RBFOX1: variants seen among roughly 807,000 people sequenced by gnomAD.
RBFOX1 encodes RNA binding fox-1 homolog 1.
RBFOX1 carries 8 observed loss-of-function variants against 57.7 expected under a neutral mutation model. The observed-to-expected ratio is 0.14, with a 90% CI of 0.08 to 0.25. The LOEUF (loss-of-function observed/expected upper bound fraction) is 0.25. Among genes scored for constraint, RBFOX1 ranks in the 10% least tolerant of loss-of-function variants. The pLI, the probability that RBFOX1 is intolerant of heterozygous loss-of-function variation, is 1.00. For synonymous variants in RBFOX1, 326 were observed against 222.4 expected (o/e 1.47, Z -4.15); for missense variants, 611 against 548.5 (o/e 1.11, Z -1.14).
chr16:5,408,323 C>T (rs1409301458), intron 1 of RBFOX1, among the ~76,000 whole-genome samples: 1 of 152,230 alleles, frequency 6.6e-6, no homozygotes, highest in Non-Finnish European at 1.5e-5. Flanking sequence ...CTGGATTTCC[C>T]AATTTCGTGT....
intron 1 of RBFOX1, among the ~76,000 whole-genome samples, chr16:6,217,499 G>A (rs1414494934): frequency 6.6e-6 from 1 of 152,124 alleles, no homozygotes; most frequent in Non-Finnish European, 1.5e-5. Context: ...AGGGAAATAA[G>A]GAGCATGGTG....
At chr16:6,735,641 C>T (rs1392571050) in intron 3 of RBFOX1, among the ~76,000 whole-genome samples, 1 of 152,166 alleles carries the variant, frequency 6.6e-6, no homozygotes, top group Non-Finnish European at 1.5e-5. Context: ...TTGGATCGAT[C>T]ACAAAATGTT....
chr16:6,733,801 A>G (rs529338406), intron 3 of RBFOX1, among the ~76,000 whole-genome samples: 3 of 152,298 alleles, frequency 2.0e-5, no homozygotes, highest in Non-Finnish European at 2.9e-5. Flanking sequence ...GCTGGGTTCT[A>G]CTACCATCTC....
At chr16:6,760,649 A>T (rs529927216) in intron 3 of RBFOX1, among the ~76,000 whole-genome samples, 57 of 152,322 alleles carry the variant, frequency 3.7e-4, no homozygotes, top group African/African-American at 1.3e-3. Flanking sequence ...ATAAAAGCAT[A>T]TACTGGAGCA....
At chr16:7,601,625 ACACCACCAC>A (rs141039302) in intron 9 of RBFOX1, among the ~76,000 whole-genome samples, 5 of 151,940 alleles carry the variant, frequency 3.3e-5, no homozygotes, top group Admixed American at 2.6e-4. Context: ...GGAAAAATCA[ACACCACCAC>A]CACCACCACC....
intron 3 of RBFOX1, among the ~76,000 whole-genome samples, chr16:5,753,378 G>A (rs1408636737): frequency 6.6e-6 from 1 of 152,082 alleles, no homozygotes; most frequent in Admixed American, 6.5e-5. Flanking sequence ...TTATTTTACT[G>A]CTTATACTCA....
intron 1 of RBFOX1, among the ~76,000 whole-genome samples, chr16:6,079,705 A>T (rs2095970030): frequency 6.6e-6 from 1 of 152,116 alleles, no homozygotes; most frequent in Non-Finnish European, 1.5e-5. Context: ...GTGTGATGGC[A>T]CACACTTGTG....
At chr16:6,361,157 G>C (rs1350211135) in intron 2 of RBFOX1, among the ~76,000 whole-genome samples, 1 of 152,042 alleles carries the variant, frequency 6.6e-6, no homozygotes, top group Non-Finnish European at 1.5e-5. Context: ...CATGTTATCA[G>C]GTTATGTGTC....
chr16:5,884,653 T>G (rs954094724), intron 4 of RBFOX1, among the ~76,000 whole-genome samples: 1 of 152,092 alleles, frequency 6.6e-6, no homozygotes, highest in Non-Finnish European at 1.5e-5. Context: ...TCATTCCATG[T>G]TGGAGTCGAA....
At chr16:6,619,137 A>G (rs553684822) in intron 2 of RBFOX1, among the ~76,000 whole-genome samples, 10 of 151,828 alleles carry the variant, frequency 6.6e-5, no homozygotes, top group South Asian at 4.2e-4. Context: ...GTACTTCGCT[A>G]CAGACCGCTG....
At chr16:5,900,190 C>G (rs1229295682) in intron 4 of RBFOX1, among the ~76,000 whole-genome samples, 1 of 152,158 alleles carries the variant, frequency 6.6e-6, no homozygotes, top group Non-Finnish European at 1.5e-5. Flanking sequence ...CATTACACTC[C>G]AAATGTCATG....
chr16:5,403,987 G>C (rs915132078), intron 1 of RBFOX1, among the ~76,000 whole-genome samples: 1 of 151,604 alleles, frequency 6.6e-6, no homozygotes, highest in Non-Finnish European at 1.5e-5. Context: ...GCCATGGGAA[G>C]GGTGGGGCTG....
intron 3 of RBFOX1, among the ~76,000 whole-genome samples, chr16:6,819,603 G>A (rs1023710804): frequency 1.3e-5 from 2 of 150,924 alleles, no homozygotes; most frequent in African/African-American, 4.9e-5. Context: ...TACTCGGGAG[G>A]CTGAGGCAGG....
At chr16:5,453,770 C>T (rs1164250173) in intron 1 of RBFOX1, among the ~76,000 whole-genome samples, 1 of 152,098 alleles carries the variant, frequency 6.6e-6, no homozygotes, top group Non-Finnish European at 1.5e-5. Flanking sequence ...AGCAATGTTG[C>T]CTAAAAATAT....
At chr16:7,507,095 T>G (rs1452568286) in intron 4 of RBFOX1, among the ~76,000 whole-genome samples, 1 of 152,194 alleles carries the variant, frequency 6.6e-6, no homozygotes, top group Non-Finnish European at 1.5e-5. Flanking sequence ...TTGAATGACT[T>G]GCCAATAGTT....
chr16:6,192,230 G>C (rs1403704348), intron 1 of RBFOX1, among the ~76,000 whole-genome samples: 2 of 152,110 alleles, frequency 1.3e-5, no homozygotes, highest in Non-Finnish European at 2.9e-5. Flanking sequence ...ACCAGTCCTT[G>C]GGTGTTGGGA....
intron 4 of RBFOX1, among the ~76,000 whole-genome samples, chr16:7,446,104 C>T (rs1390195254): frequency 2.6e-5 from 4 of 152,162 alleles, no homozygotes; most frequent in African/African-American, 4.8e-5. Context: ...GACTTAACTC[C>T]TTGTCAAAGA....
intron 1 of RBFOX1, among the ~76,000 whole-genome samples, chr16:6,161,728 G>C (rs891336484): frequency 2.0e-5 from 3 of 152,176 alleles, no homozygotes; most frequent in African/African-American, 4.8e-5. Flanking sequence ...CACACACCTG[G>C]CTTACATTTG....
chr16:6,327,450 T>C (rs888006861), intron 2 of RBFOX1, among the ~76,000 whole-genome samples: 2 of 152,146 alleles, frequency 1.3e-5, no homozygotes, highest in Non-Finnish European at 2.9e-5. Context: ...TCTTTATGAC[T>C]TTGGATATAT....
Sources: allele counts gnomAD v4.1 joint callset (sites outside exome capture counted in the v4.1 genomes callset), GRCh38; gene constraint gnomAD v4.1.1; transcripts MANE v1.5; gene names NCBI Gene and HGNC (gene_info 2026-07-23, HGNC 2026-07-21).